The following SCUBE1 variants were observed in gnomAD, a reference collection of about 807,000 sequenced individuals.
SCUBE1 encodes signal peptide, CUB and EGF-like domain-containing protein 1.
SCUBE1 carries 59 observed loss-of-function variants against 124.4 expected under a neutral mutation model. That is an observed-to-expected ratio of 0.47 (90% CI 0.38 to 0.59). The LOEUF (loss-of-function observed/expected upper bound fraction) is 0.59, where lower values mean the gene tolerates loss of function less well. Ranked by LOEUF, SCUBE1 falls within the 20% of genes least tolerant of loss-of-function variation. The pLI, the probability that SCUBE1 is intolerant of heterozygous loss-of-function variation, is 0.00. For missense variants in SCUBE1, 1,150 were observed against 1,371.2 expected (o/e 0.84, Z 2.55); for synonymous variants, 545 against 550.9 (o/e 0.99, Z 0.15).
intron 6 of SCUBE1, among the ~76,000 whole-genome samples, chr22:43,245,554 G>A (rs8141320): frequency 1.2e-4 from 19 of 152,262 alleles, no homozygotes; most frequent in Admixed American, 1.2e-3. Context: ...AGGACACCCC[G>A]GCAGGCTCCT....
chr22:43,303,043 C>T (rs750132737), intron 3 of SCUBE1, among the ~76,000 whole-genome samples: 11 of 152,230 alleles, frequency 7.2e-5, no homozygotes, highest in Non-Finnish European at 1.0e-4. Flanking sequence ...GTCCTCTGGC[C>T]AGTTCATCCT....
At chr22:43,280,764 A>G (rs912545271) in intron 4 of SCUBE1, among the ~76,000 whole-genome samples, 1 of 84,576 alleles carries the variant, frequency 1.2e-5, no homozygotes, top group Non-Finnish European at 2.2e-5. Flanking sequence ...CACCTCCCTC[A>G]TTGGCCACCC....
intron 3 of SCUBE1, among the ~76,000 whole-genome samples, chr22:43,311,276 C>A (rs948576673): frequency 1.3e-5 from 2 of 152,222 alleles, no homozygotes; most frequent in Admixed American, 6.5e-5. Context: ...AGTTCATAAG[C>A]AGGGAGATGT....
At chr22:43,301,138 C>A (rs1322333860) in intron 3 of SCUBE1, among the ~76,000 whole-genome samples, 4 of 152,178 alleles carry the variant, frequency 2.6e-5, no homozygotes, top group Non-Finnish European at 5.9e-5. Context: ...CAGGTCCAGT[C>A]CTTTCAATTC....
At chr22:43,269,316 G>T (rs958115669) in intron 4 of SCUBE1, among the ~76,000 whole-genome samples, 4 of 152,164 alleles carry the variant, frequency 2.6e-5, no homozygotes, top group African/African-American at 2.4e-5. Flanking sequence ...CCACTAGAGT[G>T]TGCGCAGAGA....
At chr22:43,320,098 G>A (rs759713324) in intron 2 of SCUBE1, 33 bp from the exon 3 acceptor site, 1 of 1,612,348 alleles carries the variant, frequency 6.2e-7, no homozygotes, top group Non-Finnish European at 8.5e-7. Flanking sequence ...GGTGTCAGAA[G>A]AAGAGCCTGG....
rs1206469854 is a variant in SCUBE1, at chr22:43,207,535, T to C, written c.2813A>G (p.Lys938Arg). ...TTCCCTTCCAATAAACTCACTCACTTTCAAAATTTCCTGGTGGTTCTCCGA... is the reference window on the plus strand; with the variant it reads ...TTCCCTTCCAATAAACTCACTCACTCTCAAAATTTCCTGGTGGTTCTCCGA... ...YASENHQEIL[K>R]DKKLIKALFD... The change falls in exon 21 of 22, where the codon AAA (lysine) becomes AGA (arginine). Residue 938 changes from lysine to arginine, a missense_variant and splice_region_variant. Lys to Arg is a conservative substitution (Grantham distance 26). This residue lies in a region of SCUBE1 where 757 missense variants were observed against 840.9 expected (regional missense o/e 0.90). Transcript: ENST00000360835. 3 of 1,612,476 alleles carry C rather than the reference T, an allele frequency of 1.9e-6. No homozygotes were observed. In the East Asian group the frequency reaches 6.7e-5, roughly 36 times the overall value.
intron 13 of SCUBE1, 80 bp downstream of exon 13, chr22:43,221,093 C>T: frequency 9.1e-7 from 1 of 1,101,402 alleles, no homozygotes; most frequent in Non-Finnish European, 1.3e-6. Context: ...ACTCGCTGGA[C>T]CCTGGGGCCC....
chr22:43,204,018 C>T lies in SCUBE1; in HGVS notation c.2946G>A (p.Arg982=). The T allele has an allele frequency of 6.2e-7, 1 of 1,614,156 alleles. No individual in the cohort carries two copies. Residue 982 remains arginine (R), a synonymous_variant, in exon 22 of 22, where the codon CGG becomes CGA. Transcript: ENST00000360835. ...CCGGTTATTTGTAGGGCCGCAGGAA[C>T]CGAGACACTTTGGAGCGCAGCAGTT... ...FIKLLRSKVS[R]FLRPYK is the part of the protein sequence containing the mutation.
At chr22:43,274,952 G>A (rs1462105759) in intron 4 of SCUBE1, among the ~76,000 whole-genome samples, 1 of 152,210 alleles carries the variant, frequency 6.6e-6, no homozygotes, top group Non-Finnish European at 1.5e-5. Context: ...GGCAGGTACA[G>A]CCACTTTGGG....
At chr22:43,235,399 G>A (rs569895324) in intron 7 of SCUBE1, among the ~76,000 whole-genome samples, 47 of 152,148 alleles carry the variant, frequency 3.1e-4, no homozygotes, top group Non-Finnish European at 5.6e-4. Flanking sequence ...AGGGCACAGG[G>A]TCATGGGCTG....
At chr22:43,264,727 C>T (rs889500535) in intron 4 of SCUBE1, among the ~76,000 whole-genome samples, 6 of 152,256 alleles carry the variant, frequency 3.9e-5, no homozygotes, top group Non-Finnish European at 7.3e-5. Context: ...ACACACTCCA[C>T]GGTTCGCCAT....
chr22:43,236,797 T>C (rs1922781861), intron 7 of SCUBE1, among the ~76,000 whole-genome samples: 2 of 152,200 alleles, frequency 1.3e-5, no homozygotes, highest in African/African-American at 4.8e-5. Flanking sequence ...ATTATCTCAG[T>C]GATTTTAAAA....
intron 6 of SCUBE1, among the ~76,000 whole-genome samples, chr22:43,252,088 T>G (rs1923473023): frequency 1.3e-5 from 2 of 152,240 alleles, no homozygotes; most frequent in Non-Finnish European, 2.9e-5. Context: ...TGGTTACATG[T>G]TCTGGGGCCT....
rs77295073 is a variant in SCUBE1, at chr22:43,299,714, C to T, written c.350-8534G>A. On this transcript the variant is annotated intron_variant, in intron 3 of 21. Transcript: ENST00000360835. ...TTTTTAGTATATTCACCGTGTTGCA[C>T]GACCATCACTACTAATTCCAGAATA... 5.5e-3 allele frequency among the ~76,000 whole-genome samples: 843 copies of T among 152,300 alleles called. 10 individuals carry two copies. Among genetic ancestry groups the T allele is most frequent in the African/African-American group, 0.019 (784 of 41,564 alleles).
In SCUBE1 at chr22:43,258,180, G is replaced by A. The variant is rs370047973; in HGVS notation, c.727+39C>T. On this transcript the variant is annotated intron_variant, in intron 6 of 21. Transcript: ENST00000360835. The surrounding 1 kb of genome is among the most constrained non-coding windows in gnomAD (Gnocchi z 5.0). ...TGCACGCATGGGGGGTCGGGGGCGG[G>A]GGGCGCAAGGGTGGTGTGTGGCAGA... The A allele has an allele frequency of 9.4e-6, 13 of 1,376,790 alleles. No individual in the cohort carries two copies. The highest frequency in any genetic ancestry group is 1.3e-5 in the Non-Finnish European group (13 of 971,306). The allele number at this position is 1,376,790 out of a possible 1,614,324, so 85.3% of individuals were successfully genotyped here.
intron 15 of SCUBE1, 120 bp from the exon 16 acceptor site, chr22:43,214,371 G>T: frequency 1.0e-6 from 1 of 963,296 alleles, no homozygotes; most frequent in Non-Finnish European, 1.5e-6. Flanking sequence ...GGGCCCCAAG[G>T]ACACAGAGGG....
intron 2 of SCUBE1, among the ~76,000 whole-genome samples, chr22:43,333,158 G>GC (rs1165083360): frequency 1.1e-4 from 16 of 152,348 alleles, no homozygotes; most frequent in African/African-American, 3.6e-4. Flanking sequence ...CACGGGGACT[G>GC]CCTCAACGCC....
intron 4 of SCUBE1, among the ~76,000 whole-genome samples, chr22:43,279,340 C>T (rs1274827461): frequency 5.9e-5 from 9 of 152,208 alleles, no homozygotes; most frequent in Non-Finnish European, 1.3e-4. Flanking sequence ...GTGGCCGCCT[C>T]GGTGCATATG....
Sources: gnomAD v4.1 joint callset for allele counts (sites outside exome capture counted in the v4.1 genomes callset) on GRCh38, gnomAD v4.1.1 for gene constraint, gnomAD v4.1.1 regional missense constraint, Gnocchi (gnomAD v3.1) non-coding constraint, MANE v1.5 for transcripts, NCBI Gene and HGNC (gene_info 2026-07-23, HGNC 2026-07-21) for gene names.